The following FOXO1 variants were observed in gnomAD, a reference collection of about 807,000 sequenced individuals.
The protein encoded by FOXO1 is forkhead box O1.
Under a neutral mutation model 44.1 loss-of-function variants are expected in FOXO1, and 6 were observed. The observed-to-expected ratio is 0.14, with a 90% confidence interval of 0.07 to 0.27. FOXO1 has a LOEUF of 0.27. FOXO1 is among the 10% of genes least tolerant of loss of function. The pLI, the probability that FOXO1 is intolerant of heterozygous loss-of-function variation, is 1.00. For synonymous variants in FOXO1, 380 were observed against 362.7 expected, an observed-to-expected ratio of 1.05 and a Z score of -0.54; for missense variants, 737 against 888.8, an observed-to-expected ratio of 0.83 and a Z score of 2.17.
At chr13:40,634,733 G>A (rs1344291968) in intron 1 of FOXO1, among the ~76,000 whole-genome samples, 8 of 151,718 alleles carry the variant, frequency 5.3e-5, no homozygotes, top group African/African-American at 1.5e-4. Context: ...AGGCTGGAGC[G>A]CAGTGGCGCA....
intron 1 of FOXO1, among the ~76,000 whole-genome samples, chr13:40,617,139 T>C (rs1172505515): frequency 6.6e-6 from 1 of 152,198 alleles, no homozygotes. Flanking sequence ...GAACAATCTA[T>C]CCTTGACCAA....
chr13:40,588,061 G>C (rs1044047952), intron 1 of FOXO1, among the ~76,000 whole-genome samples: 1 of 152,138 alleles, frequency 6.6e-6, no homozygotes, highest in Non-Finnish European at 1.5e-5. Context: ...GCTATGGTGC[G>C]GGAGGAAGCC....
intron 1 of FOXO1, among the ~76,000 whole-genome samples, chr13:40,663,213 A>G (rs111480421): frequency 6.6e-6 from 1 of 151,340 alleles, no homozygotes. Flanking sequence ...AAATAAATTT[A>G]AAAAAAAACT....
At chr13:40,611,534 C>G (rs1413569141) in intron 1 of FOXO1, among the ~76,000 whole-genome samples, 2 of 152,188 alleles carry the variant, frequency 1.3e-5, no homozygotes, top group African/African-American at 4.8e-5. Context: ...ATCCCATCTC[C>G]TTGAAACAGT....
At chr13:40,662,598 C>G (rs1477943208) in intron 1 of FOXO1, among the ~76,000 whole-genome samples, 2 of 152,168 alleles carry the variant, frequency 1.3e-5, no homozygotes, top group Admixed American at 1.3e-4. Flanking sequence ...CAAATATAAC[C>G]AGCACTTAAC....
chr13:40,605,648 A>AT (rs767917101), intron 1 of FOXO1, among the ~76,000 whole-genome samples: 5 of 152,150 alleles, frequency 3.3e-5, no homozygotes, highest in Non-Finnish European at 7.4e-5. Flanking sequence ...TACAGTGCTC[A>AT]TCATAGGCGT....
At position 40,559,995 on chromosome 13, in the gene FOXO1, C is replaced by T. The variant is rs1455582491; in HGVS notation, c.1496G>A (p.Gly499Asp). 1.9e-6 allele frequency: 3 copies of T among 1,614,094 alleles called. No individual in the cohort carries two copies. Among genetic ancestry groups the T allele is most frequent in the Non-Finnish European group, 2.5e-6 (3 of 1,180,026 alleles). The change falls in exon 2 of 3, where the codon GGC (glycine) becomes GAC (aspartate). Residue 499 changes from glycine (G) to aspartate (D), a missense_variant. Around this residue, in one of 7 missense-constraint regions of FOXO1, gnomAD observed 283 missense variants for 278.1 expected, o/e 1.02. Coordinates refer to ENST00000379561, the MANE Select transcript of FOXO1 (RefSeq NM_002015.4). Reference protein sequence around the residue: ...SRVLGQNVMMGPNSVMSTYGS... With the variant: ...SRVLGQNVMMDPNSVMSTYGS... The stretch of plus-strand genomic sequence containing the variant: ...ATAGGTTGACATGACCGAATTAGGG[C>T]CCATCATGACGTTCTGGCCCAGAAC...
chr13:40,578,791 C>T (rs1488214912), intron 1 of FOXO1, among the ~76,000 whole-genome samples: 1 of 152,192 alleles, frequency 6.6e-6, no homozygotes, highest in African/African-American at 2.4e-5. Context: ...CACAAAACAA[C>T]ACAAAACAAA....
intron 1 of FOXO1, among the ~76,000 whole-genome samples, chr13:40,609,822 A>G (rs1279634744): frequency 1.2e-4 from 19 of 152,220 alleles, no homozygotes. Context: ...GCCGCTCATT[A>G]AAATTCAGCA....
intron 1 of FOXO1, among the ~76,000 whole-genome samples, chr13:40,626,097 G>A (rs1030642404): frequency 1.3e-5 from 2 of 152,140 alleles, no homozygotes; most frequent in African/African-American, 4.8e-5. Flanking sequence ...GATTACAGGT[G>A]TGAACCACCA....
At position 40,560,196 on chromosome 13, in the gene FOXO1, C is replaced by T. The variant is rs755802918; in HGVS notation, c.1295G>A (p.Ser432Asn). The change falls in exon 2 of 3, where the codon AGC becomes AAC. Residue 432 changes from serine (S) to asparagine (N), a missense_variant. By Grantham distance (46) the Ser-to-Asn change is conservative. Transcript: ENST00000379561. The surrounding 1 kb of genome is among the most constrained non-coding windows in gnomAD (Gnocchi z 5.1). ...QKYTYGQSSM[S>N]PLPQMPIQTL... is the part of the protein sequence containing the mutation. ...TTGTATAGGCATCTGGGGCAAAGGG[C>T]TCATGCTGGATTGGCCATATGTATA... 5 of 1,614,130 alleles carry T rather than the reference C, an allele frequency of 3.1e-6. No individual in the cohort carries two copies. The South Asian group carries it at 4.4e-5, about 14-fold the overall frequency.
chr13:40,563,020 G>A (rs927456434), intron 1 of FOXO1, among the ~76,000 whole-genome samples: 2 of 152,230 alleles, frequency 1.3e-5, no homozygotes, highest in Non-Finnish European at 2.9e-5. Flanking sequence ...CTAAGACCCT[G>A]GAATGTGCAC....
At chr13:40,629,939 T>G (rs1876906977) in intron 1 of FOXO1, among the ~76,000 whole-genome samples, 1 of 152,222 alleles carries the variant, frequency 6.6e-6, no homozygotes, top group African/African-American at 2.4e-5. Context: ...CCAGAGGACC[T>G]ACAACAAGTA....
intron 1 of FOXO1, among the ~76,000 whole-genome samples, chr13:40,657,936 C>G (rs913941043): frequency 9.2e-5 from 14 of 152,164 alleles, no homozygotes; most frequent in Non-Finnish European, 2.9e-5. Context: ...CTGTGATATT[C>G]TCAACACACA....
chr13:40,589,722 T>C (rs1875299367), intron 1 of FOXO1, among the ~76,000 whole-genome samples: 3 of 152,342 alleles, frequency 2.0e-5, no homozygotes, highest in South Asian at 4.1e-4. Context: ...AGTAACTTTC[T>C]GGAAGTTAAG....
intron 1 of FOXO1, among the ~76,000 whole-genome samples, chr13:40,663,399 T>C (rs1013608582): frequency 6.6e-6 from 1 of 152,170 alleles, no homozygotes; most frequent in Non-Finnish European, 1.5e-5. Context: ...ACTAAAAATA[T>C]CCCAAAACAC....
chr13:40,570,692 A>G (rs1041992537), intron 1 of FOXO1, among the ~76,000 whole-genome samples: 1 of 152,222 alleles, frequency 6.6e-6, no homozygotes, highest in Non-Finnish European at 1.5e-5. Flanking sequence ...GCAGCACTAC[A>G]AAATTTCACT....
chr13:40,666,543 T>G lies in FOXO1; in HGVS notation c.-331A>C, dbSNP rs1878265630. The G allele has an allele frequency of 3.9e-6, 1 of 255,740 alleles. No homozygotes were observed. The highest frequency in any genetic ancestry group is 2.2e-5 in the African/African-American group (1 of 45,574). The allele number at this position is 255,740 out of a possible 1,614,324, so 15.8% of individuals were successfully genotyped here. A position where few individuals can be genotyped will look rare whatever the true frequency, so the allele number is the denominator to read the frequency against. On this transcript the variant is annotated 5_prime_UTR_variant, in exon 1 of 3. Coordinates refer to ENST00000379561, the MANE Select transcript of FOXO1 (RefSeq NM_002015.4). The stretch of plus-strand genomic sequence containing the variant: ...GGACGGACGGACGCCGCGGGCCGCT[T>G]GCTCTCCCCAGCGGCGCGCCCGCTG...
At chr13:40,638,287 C>T (rs1228968861) in intron 1 of FOXO1, among the ~76,000 whole-genome samples, 1 of 152,096 alleles carries the variant, frequency 6.6e-6, no homozygotes, top group Non-Finnish European at 1.5e-5. Flanking sequence ...AGATGAGAAC[C>T]TCTGGCATCA....
Sources: gnomAD v4.1 joint callset for allele counts (sites outside exome capture counted in the v4.1 genomes callset) on GRCh38, gnomAD v4.1.1 for gene constraint, gnomAD v4.1.1 regional missense constraint, Gnocchi (gnomAD v3.1) non-coding constraint, MANE v1.5 for transcripts, NCBI Gene and HGNC (gene_info 2026-07-23, HGNC 2026-07-21) for gene names.